PSD2: variants seen among roughly 807,000 people sequenced by gnomAD.
The protein encoded by PSD2 is pleckstrin and Sec7 domain containing 2, also known as PH and SEC7 domain-containing protein 2.
PSD2 carries 38 observed loss-of-function variants against 69.8 expected under a neutral mutation model. The observed-to-expected ratio is 0.54, with a 90% CI of 0.42 to 0.71. PSD2 has a LOEUF of 0.71. Among genes scored for constraint, PSD2 ranks in the 30% least tolerant of loss-of-function variants. The pLI is 0.00. For missense variants in PSD2, 943 were observed against 1,014.5 expected (o/e 0.93, Z 0.96); for synonymous variants, 412 against 423.0 (o/e 0.97, Z 0.32).
chr5:139,751,486 T>G, the PSD2 span, among the ~76,000 whole-genome samples: 1 of 152,108 alleles, frequency 6.6e-6, no homozygotes, highest in Admixed American at 6.6e-5. Flanking sequence ...CCTTCAAGTG[T>G]GACCAACTGG....
the PSD2 span, among the ~76,000 whole-genome samples, chr5:139,745,889 C>G: frequency 6.6e-6 from 1 of 152,146 alleles, no homozygotes; most frequent in African/African-American, 2.4e-5. Flanking sequence ...CAAACAAGAC[C>G]GACACCGCCA....
intron 1 of PSD2, among the ~76,000 whole-genome samples, chr5:139,804,946 C>T (rs762888757): frequency 2.7e-5 from 4 of 149,374 alleles, no homozygotes; most frequent in Non-Finnish European, 4.4e-5. Context: ...TGTGTCTGCA[C>T]GTGTGCGTGT....
At chr5:139,768,396 CCT>C in the PSD2 span, among the ~76,000 whole-genome samples, 1 of 152,286 alleles carries the variant, frequency 6.6e-6, no homozygotes, top group African/African-American at 2.4e-5. Context: ...CACTCACTGC[CCT>C]CTGTTTCCTC....
At position 139,833,688 on chromosome 5, in the gene PSD2, T is replaced by C. The variant is rs1207947866; in HGVS notation, c.1270-14T>C. The C allele has an allele frequency of 5.6e-6, 9 of 1,604,808 alleles. No individual in the cohort carries two copies. Among genetic ancestry groups the C allele is most frequent in the African/African-American group, 1.3e-5 (1 of 74,760 alleles). Reference sequence around the variant, plus strand: ...CCTTCCCTACTCTTAGGCAGAACCATTTCTCCATTACAGAACATTGGCAAA... The same window carrying C: ...CCTTCCCTACTCTTAGGCAGAACCACTTCTCCATTACAGAACATTGGCAAA... On this transcript the variant is annotated splice_polypyrimidine_tract_variant and intron_variant, in intron 7 of 14. Transcript: ENST00000274710.
the PSD2 span, among the ~76,000 whole-genome samples, chr5:139,748,907 T>TGGGGG: frequency 1.2e-4 from 17 of 146,932 alleles, no homozygotes; most frequent in South Asian, 3.5e-3. Flanking sequence ...TGGGGTATGT[T>TGGGGG]GGGGGGGGTG....
chr5:139,774,485 T>C, the PSD2 span, among the ~76,000 whole-genome samples: 2 of 152,028 alleles, frequency 1.3e-5, no homozygotes, highest in Non-Finnish European at 1.5e-5. Flanking sequence ...TGGAAAGGCT[T>C]TCTTGCTTTT....
intron 5 of PSD2, among the ~76,000 whole-genome samples, chr5:139,821,333 G>A (rs374947081): frequency 2.8e-4 from 43 of 152,206 alleles, no homozygotes; most frequent in Admixed American, 3.9e-4. Context: ...GGGTGGCCCC[G>A]TTGTCCTGGG....
Position 139,809,464 on chromosome 5 carries a change from T to G in PSD2, c.24T>G (p.Ser8=), listed in dbSNP as rs763478395. 15 of 1,612,130 alleles carry G rather than the reference T, an allele frequency of 9.3e-6. No individual in the cohort carries two copies. In the Admixed American group the frequency reaches 2.3e-4, roughly 25 times the overall value. Residue 8 remains serine, a synonymous_variant, in exon 2 of 15, where the codon TCT becomes TCG. Coordinates refer to ENST00000274710, the MANE Select transcript of PSD2 (RefSeq NM_032289.4). ...CCATGGAGGAGGACAAGCTCTTATCTGCAGTGCCTGAGGAAGGCGATGCCA... is the reference window on the plus strand; with the variant it reads ...CCATGGAGGAGGACAAGCTCTTATCGGCAGTGCCTGAGGAAGGCGATGCCA... MEEDKLL[S]AVPEEGDATR...
the PSD2 span, among the ~76,000 whole-genome samples, chr5:139,763,941 A>G: frequency 6.6e-6 from 1 of 152,104 alleles, no homozygotes; most frequent in African/African-American, 2.4e-5. Flanking sequence ...TCTCCAGCAA[A>G]GGTAGTCTGG....
intron 1 of PSD2, among the ~76,000 whole-genome samples, chr5:139,801,706 G>A (rs1483906141): frequency 6.6e-6 from 1 of 152,156 alleles, no homozygotes; most frequent in Non-Finnish European, 1.5e-5. Flanking sequence ...CCCGACTCCA[G>A]TAGCCTACAC....
intron 9 of PSD2, among the ~76,000 whole-genome samples, chr5:139,835,993 G>T (rs1408354697): frequency 6.6e-6 from 1 of 152,248 alleles, no homozygotes; most frequent in Admixed American, 6.5e-5. Context: ...AGAATAGATT[G>T]AACTGTGACT....
chr5:139,795,025 CCT>C (rs1369808167), upstream of PSD2, among the ~76,000 whole-genome samples: 1 of 152,062 alleles, frequency 6.6e-6, no homozygotes, highest in Non-Finnish European at 1.5e-5. The surrounding 1 kb of genome is among the most constrained non-coding windows in gnomAD (Gnocchi z 4.5). Context: ...CCCAGGGCAC[CCT>C]CTGTCTCTCT....
chr5:139,820,827 GC>G (rs1760240920), intron 5 of PSD2, among the ~76,000 whole-genome samples: 1 of 152,130 alleles, frequency 6.6e-6, no homozygotes, highest in Non-Finnish European at 1.5e-5. Flanking sequence ...CCAAGGTGTA[GC>G]AGGCGGGTAT....
intron 7 of PSD2, among the ~76,000 whole-genome samples, chr5:139,826,640 A>G (rs1300544735): frequency 6.6e-6 from 1 of 152,172 alleles, no homozygotes; most frequent in African/African-American, 2.4e-5. Context: ...ACCAGTCAGG[A>G]TGGGTTTAGT....
intron 1 of PSD2, among the ~76,000 whole-genome samples, chr5:139,796,532 G>T (rs957852456): frequency 6.6e-6 from 1 of 152,232 alleles, no homozygotes; most frequent in Non-Finnish European, 1.5e-5. Context: ...GCGGGGGCTC[G>T]CACGGGGGCG....
rs138808895 is a variant in PSD2 at position 139,837,839 on chromosome 5, G to A, written c.1823+57G>A. On this transcript the variant is annotated intron_variant, in intron 12 of 14. Transcript: ENST00000274710. This position sits in a 1 kb window ranked among gnomAD's most constrained non-coding sequence, Gnocchi z 5.0. ...CTGGGGCCCAGGGCCACAGTGACCC[G>A]GCACACAACCCCTCTCCTTCCCGTG... 266 of 1,527,286 alleles carry A rather than the reference G, an allele frequency of 1.7e-4. No individual in the cohort carries two copies. In the African/African-American group the frequency reaches 3.2e-3, roughly 18 times the overall value. 94.6% of individuals were successfully genotyped at this position (1,527,286 alleles called of 1,614,324 possible).
In PSD2 at chr5:139,809,738, A is replaced by G. The variant is rs767419500; in HGVS notation, c.298A>G (p.Arg100Gly). 3.1e-6 allele frequency: 5 copies of G among 1,614,156 alleles called. No homozygotes were observed. The highest frequency in any genetic ancestry group is 4.2e-6 in the Non-Finnish European group (5 of 1,180,032). Residue 100 changes from arginine (R) to glycine (G), a missense_variant, in exon 2 of 15, where the codon AGG (arginine) becomes GGG (glycine). Coordinates refer to ENST00000274710, the MANE Select transcript of PSD2 (RefSeq NM_032289.4). The part of the protein sequence containing the change: ...LEDSAESRPW[R>G]AGVLAEGDNA... ...AGATTCAGCGGAGTCCAGGCCCTGGAGGGCTGGCGTGCTGGCAGAGGGGGA... is the reference window on the plus strand; with the variant it reads ...AGATTCAGCGGAGTCCAGGCCCTGGGGGGCTGGCGTGCTGGCAGAGGGGGA...
chr5:139,783,042 T>C, the PSD2 span, among the ~76,000 whole-genome samples: 3 of 152,226 alleles, frequency 2.0e-5, no homozygotes, highest in African/African-American at 7.2e-5. Context: ...TCTATCCTAC[T>C]TTCTGTCTTT....
At chr5:139,756,222 C>CGCTGCGCCCCCCCTTTCATGTCT in the PSD2 span, among the ~76,000 whole-genome samples, 2 of 152,146 alleles carry the variant, frequency 1.3e-5, no homozygotes, top group South Asian at 2.1e-4. Flanking sequence ...CTCGGACTGC[C>CGCTGCGCCCCCCCTTTCATGTCT]GCTGCGCCCC....
Sources: gnomAD v4.1 joint callset for allele counts (sites outside exome capture counted in the v4.1 genomes callset) on GRCh38, gnomAD v4.1.1 for gene constraint, Gnocchi (gnomAD v3.1) non-coding constraint, MANE v1.5 for transcripts, NCBI Gene and HGNC (gene_info 2026-07-23, HGNC 2026-07-21) for gene names.